The following PLA2G4E variants were observed in gnomAD, a reference collection of about 807,000 sequenced individuals.
PLA2G4E encodes the protein phospholipase A2 group IVE.
A neutral mutation model predicts 109.1 loss-of-function variants in PLA2G4E; 84 were observed. The observed-to-expected ratio is 0.77, with a 90% CI of 0.65 to 0.92. The LOEUF is 0.92. Among genes scored for constraint, PLA2G4E ranks in the 40% least tolerant of loss-of-function variants. The pLI is 0.00. For synonymous variants in PLA2G4E, 469 were observed against 436.1 expected (o/e 1.08, Z -0.94); for missense variants, 1,057 against 1,076.6 (o/e 0.98, Z 0.25).
Position 42,002,504 on chromosome 15 carries a change from T to C in PLA2G4E, c.609+150A>G, listed in dbSNP as rs1436771845. The C allele has an allele frequency of 3.6e-6, 3 of 834,716 alleles. No individual in the cohort carries two copies. In the African/African-American group the frequency reaches 5.1e-5, roughly 14 times the overall value. 51.7% of individuals were successfully genotyped at this position (834,716 alleles called of 1,614,324 possible). On this transcript the variant is annotated intron_variant, in intron 6 of 19. Coordinates refer to ENST00000399518, the Ensembl canonical transcript of PLA2G4E. ...TGCCCCAGTGCTGCCTGTGCCCCAT[T>C]TGGCTGGCCTCGTTTAGTCTAACTC...
intron 1 of PLA2G4E, among the ~76,000 whole-genome samples, chr15:42,015,310 G>A (rs569709614): frequency 2.0e-5 from 3 of 152,118 alleles, no homozygotes; most frequent in Admixed American, 6.5e-5. Flanking sequence ...GAGTGTCGCC[G>A]GATCATCCTT....
chr15:41,996,802 A>G (rs572557986), intron 11 of PLA2G4E, among the ~76,000 whole-genome samples: 2 of 152,362 alleles, frequency 1.3e-5, no homozygotes, highest in South Asian at 4.1e-4. Context: ...AGAAGGTGGT[A>G]CAGCTTAAAA....
At chr15:42,004,814 T>C (rs2068457691) in intron 5 of PLA2G4E, 124 bp downstream of exon 5, 6 of 1,026,942 alleles carry the variant, frequency 5.8e-6, no homozygotes, top group African/African-American at 1.6e-5. Context: ...TCAGGGTTAG[T>C]GCCAGGAGTG....
chr15:41,983,994 T>C lies in PLA2G4E; in HGVS notation c.2387-20A>G. ...CTACACCTGTGGGCAGCAGGATGACTTGTTATAGACTCTGTCATGTTAGGT... is the reference window on the plus strand; with the variant it reads ...CTACACCTGTGGGCAGCAGGATGACCTGTTATAGACTCTGTCATGTTAGGT... On this transcript the variant is annotated intron_variant, in intron 19 of 19. Transcript: ENST00000399518. The C allele has an allele frequency of 6.3e-7, 1 of 1,577,932 alleles. No individual in the cohort carries two copies. Among genetic ancestry groups the C allele is most frequent in the Non-Finnish European group, 8.6e-7 (1 of 1,158,608 alleles).
chr15:42,015,856 G>A (rs1038945975), intron 1 of PLA2G4E, among the ~76,000 whole-genome samples: 1 of 152,222 alleles, frequency 6.6e-6, no homozygotes, highest in Non-Finnish European at 1.5e-5. Context: ...CCCGGGAAGG[G>A]GCAGCCTCGC....
chr15:41,999,605 G>A, intron 9 of PLA2G4E, 44 bp from the exon 10 acceptor site: 1 of 1,602,446 alleles, frequency 6.2e-7, no homozygotes, highest in Non-Finnish European at 8.5e-7. Context: ...TGACAATTCA[G>A]AGCCAAGTGA....
At chr15:41,984,317 G>T in intron 19 of PLA2G4E, 119 bp downstream of exon 19, 2 of 1,117,060 alleles carry the variant, frequency 1.8e-6, no homozygotes, top group South Asian at 1.6e-5. Context: ...AGCCAAGGTT[G>T]GCTCAGGCTG....
chr15:41,984,706 T>C, intron 18 of PLA2G4E, 87 bp from the exon 19 acceptor site: 1 of 1,259,722 alleles, frequency 7.9e-7, no homozygotes, highest in East Asian at 2.5e-5. Context: ...GCTTCCTGAT[T>C]TCCCCAGCTA....
At chr15:42,002,543 G>A (rs2068432422) in intron 6 of PLA2G4E, 111 bp downstream of exon 6, 3 of 1,254,102 alleles carry the variant, frequency 2.4e-6, no homozygotes, top group Admixed American at 2.0e-5. Context: ...CAGAGGTCAG[G>A]ATAGGACAGA....
intron 1 of PLA2G4E, among the ~76,000 whole-genome samples, chr15:42,046,885 T>C (rs908331506): frequency 6.6e-5 from 10 of 152,108 alleles, no homozygotes; most frequent in African/African-American, 2.4e-4. Context: ...GATTCAAAGG[T>C]AATCTGATAA....
chr15:42,014,118 C>G (rs1858260752), intron 1 of PLA2G4E, among the ~76,000 whole-genome samples: 1 of 151,942 alleles, frequency 6.6e-6, no homozygotes, highest in Admixed American at 6.6e-5. Flanking sequence ...TCTTGAACTC[C>G]TTATGTCAGG....
intron 1 of PLA2G4E, among the ~76,000 whole-genome samples, chr15:42,047,141 A>G (rs917885175): frequency 6.6e-6 from 1 of 152,208 alleles, no homozygotes; most frequent in African/African-American, 2.4e-5. Context: ...CTATTTCTTT[A>G]AAATATGTTT....
intron 7 of PLA2G4E, 96 bp downstream of exon 7, chr15:42,001,061 C>A: frequency 7.6e-7 from 1 of 1,313,800 alleles, no homozygotes; most frequent in Admixed American, 1.8e-5. Flanking sequence ...CCCCTGAGCC[C>A]AGGGAAGCCC....
chr15:41,985,712 T>G (rs2068129039), intron 18 of PLA2G4E, 127 bp downstream of exon 18: 2 of 1,219,308 alleles, frequency 1.6e-6, no homozygotes, highest in Non-Finnish European at 2.3e-6. Context: ...CTTGGCTTCC[T>G]CTGATGCTCT....
intron 1 of PLA2G4E, among the ~76,000 whole-genome samples, chr15:42,037,537 C>G (rs1488037757): frequency 1.3e-5 from 2 of 152,258 alleles, no homozygotes; most frequent in African/African-American, 4.8e-5. Context: ...TCACCTCCCA[C>G]TTGTCTGTGT....
At chr15:41,987,254 G>A (rs745857029) in exon 17 of PLA2G4E, 18 of 1,613,860 alleles carry the variant, frequency 1.1e-5, no homozygotes, top group Middle Eastern at 1.6e-4. Context: ...ACTCAGACAC[G>A]AAGGACCGAT....
chr15:42,044,235 G>A (rs1054507087), intron 1 of PLA2G4E, among the ~76,000 whole-genome samples: 19 of 152,132 alleles, frequency 1.2e-4, no homozygotes, highest in African/African-American at 4.3e-4. Flanking sequence ...AGACGGGAAC[G>A]GATTCTGATT....
intron 13 of PLA2G4E, among the ~76,000 whole-genome samples, chr15:41,992,510 C>T (rs1447401478): frequency 6.6e-6 from 1 of 152,234 alleles, no homozygotes; most frequent in Non-Finnish European, 1.5e-5. Context: ...GCAGGTTTGC[C>T]TCCAACACGA....
intron 11 of PLA2G4E, 36 bp downstream of exon 11, chr15:41,997,088 G>T: frequency 6.5e-7 from 1 of 1,530,402 alleles, no homozygotes; most frequent in Non-Finnish European, 8.8e-7. Context: ...GGAAGGACCA[G>T]CTGGGCCCAG....
Sources: gnomAD v4.1 joint callset for allele counts (sites outside exome capture counted in the v4.1 genomes callset) on GRCh38, gnomAD v4.1.1 for gene constraint, MANE v1.5 for transcripts, NCBI Gene and HGNC (gene_info 2026-07-23, HGNC 2026-07-21) for gene names.